The following MOB1B variants were observed in gnomAD, a reference collection of about 807,000 sequenced individuals.
MOB1B encodes MOB1 Mps One Binder homolog B.
Under a neutral mutation model 24.4 loss-of-function variants are expected in MOB1B, and 19 were observed. That is an observed-to-expected ratio of 0.78 (90% CI 0.54 to 1.14). The LOEUF (loss-of-function observed/expected upper bound fraction) is 1.14, where lower values mean the gene tolerates loss of function less well. Among genes scored for constraint, MOB1B ranks in the 50% most tolerant of loss-of-function variants. The pLI is 0.00. For missense variants in MOB1B, 243 were observed against 259.6 expected (o/e 0.94, Z 0.44); for synonymous variants, 76 against 82.1 (o/e 0.93, Z 0.40).
In MOB1B at chr4:70,986,085, T is replaced by C. The variant is rs1739371619; in HGVS notation, c.*4028T>C. ...TTACCTTAATTACCTTAGTTAGATA[T>C]ACTAATGGAAAAAAACCAAGTCCTT... On this transcript the variant is annotated 3_prime_UTR_variant, in exon 6 of 6. Coordinates refer to ENST00000309395, the MANE Select transcript of MOB1B (RefSeq NM_173468.4). 6.6e-6 allele frequency: 1 copy of C among 152,212 alleles called. No individual in the cohort carries two copies. Among genetic ancestry groups the C allele is most frequent in the Admixed American group, 6.5e-5 (1 of 15,286 alleles). 9.4% of individuals were successfully genotyped at this position (152,212 alleles called of 1,614,324 possible). A position where few individuals can be genotyped will look rare whatever the true frequency, so the allele number is the denominator to read the frequency against.
Position 70,983,322 on chromosome 4 carries a change from T to A in MOB1B, c.*1265T>A, listed in dbSNP as rs1739276259. The A allele has an allele frequency of 2.0e-5, 3 of 152,510 alleles. No homozygotes were observed. In the South Asian group the frequency reaches 6.2e-4, roughly 32 times the overall value. 9.4% of individuals were successfully genotyped at this position (152,510 alleles called of 1,614,324 possible). On this transcript the variant is annotated 3_prime_UTR_variant, in exon 6 of 6. Coordinates refer to ENST00000309395, the MANE Select transcript of MOB1B (RefSeq NM_173468.4). ...ATTCTGACTTCTGGTTTTTCCACCC[T>A]GAAAGGAAATGTTTTTCTTTGCAGC...
At chr4:70,976,450 A>T in intron 4 of MOB1B, 1 of 985,412 alleles carries the variant, frequency 1.0e-6, no homozygotes, top group Non-Finnish European at 1.2e-6. Context: ...TTGCTGTATC[A>T]TCGGCTGAGT....
chr4:70,910,846 T>A (rs112030962), intron 1 of MOB1B, among the ~76,000 whole-genome samples: 29 of 152,158 alleles, frequency 1.9e-4, no homozygotes, highest in African/African-American at 6.5e-4. Flanking sequence ...TGGAGTGCAG[T>A]GGCATGATCT....
chr4:70,912,741 C>G (rs1736043390), intron 1 of MOB1B, among the ~76,000 whole-genome samples: 1 of 152,160 alleles, frequency 6.6e-6, no homozygotes, highest in South Asian at 2.1e-4. Context: ...TGTATTGCAT[C>G]CACTTATGTC....
rs576855751 is a variant in MOB1B at position 70,982,690 on chromosome 4, G to A, written c.*633G>A. ...TTTTATATTGATGGTAATATATTACGTTCAACAATGCTTAAAGCTCTACAA... is the reference window on the plus strand; with the variant it reads ...TTTTATATTGATGGTAATATATTACATTCAACAATGCTTAAAGCTCTACAA... On this transcript the variant is annotated 3_prime_UTR_variant, in exon 6 of 6. Coordinates refer to ENST00000309395, the MANE Select transcript of MOB1B (RefSeq NM_173468.4). 3 of 152,560 alleles carry A rather than the reference G, an allele frequency of 2.0e-5. No homozygotes were observed. Among genetic ancestry groups the A allele is most frequent in the South Asian group, 2.1e-4 (1 of 4,814 alleles). The allele number at this position is 152,560 out of a possible 1,614,324, so 9.5% of individuals were successfully genotyped here.
intron 1 of MOB1B, among the ~76,000 whole-genome samples, chr4:70,956,860 A>G (rs191858689): frequency 1.4e-4 from 21 of 152,208 alleles, no homozygotes; most frequent in Admixed American, 1.3e-3. Flanking sequence ...AGTACTTTAG[A>G]ATGAAAAATA....
chr4:70,975,402 A>G (rs1044051331), intron 4 of MOB1B, 116 bp downstream of exon 4: 71 of 1,467,022 alleles, frequency 4.8e-5, no homozygotes, highest in Non-Finnish European at 6.0e-5. Context: ...CTGTGTTGAT[A>G]TATGTATATG....
intron 5 of MOB1B, among the ~76,000 whole-genome samples, chr4:70,980,696 G>A (rs1490704414): frequency 2.0e-5 from 3 of 152,062 alleles, no homozygotes; most frequent in Non-Finnish European, 4.4e-5. Flanking sequence ...TGCTTGCTTG[G>A]GTACCTGAAA....
chr4:70,940,115 T>C (rs1473302380), intron 1 of MOB1B, among the ~76,000 whole-genome samples: 1 of 152,012 alleles, frequency 6.6e-6, no homozygotes, highest in South Asian at 2.1e-4. Context: ...CTTCCGCTGA[T>C]GTGTTCCTCT....
intron 1 of MOB1B, among the ~76,000 whole-genome samples, chr4:70,934,365 C>T (rs1464698247): frequency 6.6e-6 from 1 of 151,552 alleles, no homozygotes; most frequent in Non-Finnish European, 1.5e-5. Flanking sequence ...GAATTACAGG[C>T]ATGAGCCACT....
At chr4:70,907,725 A>G (rs1229616772) in intron 1 of MOB1B, among the ~76,000 whole-genome samples, 3 of 152,104 alleles carry the variant, frequency 2.0e-5, no homozygotes, top group Non-Finnish European at 4.4e-5. Context: ...AAGTGGGTGG[A>G]TTGCTTGAAC....
At chr4:70,972,758 A>ATTATTTTATTTTATT in intron 3 of MOB1B, among the ~76,000 whole-genome samples, 1 of 151,138 alleles carries the variant, frequency 6.6e-6, no homozygotes, top group East Asian at 2.0e-4. Context: ...GCAATACACA[A>ATTATTTTATTTTATT]TTATTTTATT....
intron 1 of MOB1B, among the ~76,000 whole-genome samples, chr4:70,914,545 C>G (rs1034379904): frequency 6.6e-6 from 1 of 152,148 alleles, no homozygotes; most frequent in African/African-American, 2.4e-5. Flanking sequence ...TGTTGCTGCT[C>G]CCAGGCACTC....
chr4:70,959,823 A>G (rs75405295), intron 2 of MOB1B, among the ~76,000 whole-genome samples: 8,175 of 152,200 alleles, frequency 0.054, 543 homozygotes, highest in African/African-American at 0.16. Flanking sequence ...AGAGTCAACC[A>G]CTATACTAAA....
At position 70,986,393 on chromosome 4, in the gene MOB1B, A is replaced by G. The variant is rs1739383876; in HGVS notation, c.*4336A>G. Reference sequence around the variant, plus strand: ...ATGCTGAGTTTTAAGCCTACATATCACAAAATATTTAGAATTGTATAACCT... The same window carrying G: ...ATGCTGAGTTTTAAGCCTACATATCGCAAAATATTTAGAATTGTATAACCT... On this transcript the variant is annotated 3_prime_UTR_variant, in exon 6 of 6. Coordinates refer to ENST00000309395, the MANE Select transcript of MOB1B (RefSeq NM_173468.4). The G allele has an allele frequency of 6.6e-6, 1 of 152,148 alleles. No individual in the cohort carries two copies. The highest frequency in any genetic ancestry group is 1.5e-5 in the Non-Finnish European group (1 of 67,982). The allele number at this position is 152,148 out of a possible 1,614,324, so 9.4% of individuals were successfully genotyped here.
chr4:70,939,668 G>A (rs1052736419), intron 1 of MOB1B, among the ~76,000 whole-genome samples: 1 of 152,162 alleles, frequency 6.6e-6, no homozygotes, highest in African/African-American at 2.4e-5. Context: ...GGTGTGGCTC[G>A]CTTCTTTGGT....
intron 1 of MOB1B, among the ~76,000 whole-genome samples, chr4:70,909,732 CT>C (rs567783255): frequency 1.0e-3 from 145 of 145,200 alleles, no homozygotes; most frequent in Middle Eastern, 3.6e-3. Context: ...TCTTATACTT[CT>C]TTTTTTTTTT....
chr4:70,943,990 G>T (rs1162460741), intron 1 of MOB1B, among the ~76,000 whole-genome samples: 1 of 151,738 alleles, frequency 6.6e-6, no homozygotes, highest in Non-Finnish European at 1.5e-5. Context: ...ATAACACAAG[G>T]TTAGTTAACA....
At chr4:70,950,467 T>C (rs1319931905) in intron 1 of MOB1B, among the ~76,000 whole-genome samples, 1 of 151,420 alleles carries the variant, frequency 6.6e-6, no homozygotes, top group Non-Finnish European at 1.5e-5. Flanking sequence ...CTTTAGAGAT[T>C]TAAATCCTGG....
Sources: gnomAD v4.1 joint callset for allele counts (sites outside exome capture counted in the v4.1 genomes callset) on GRCh38, gnomAD v4.1.1 for gene constraint, MANE v1.5 for transcripts, NCBI Gene and HGNC (gene_info 2026-07-23, HGNC 2026-07-21) for gene names.